The following CNTNAP5 variants were observed in gnomAD, a reference collection of about 807,000 sequenced individuals.
The protein encoded by CNTNAP5 is contactin-associated protein-like 5.
A neutral mutation model predicts 150.2 loss-of-function variants in CNTNAP5; 72 were observed. The observed-to-expected ratio is 0.48, with a 90% CI of 0.40 to 0.58. The LOEUF (loss-of-function observed/expected upper bound fraction) is 0.58, where lower values mean the gene tolerates loss of function less well. Among genes scored for constraint, CNTNAP5 ranks in the 20% least tolerant of loss-of-function variants. The pLI is 0.00. For missense variants in CNTNAP5, 1,636 were observed against 1,626.2 expected (o/e 1.01, Z -0.10); for synonymous variants, 672 against 619.8 (o/e 1.08, Z -1.25).
At chr2:124,833,798 T>C (rs147326085) in intron 19 of CNTNAP5, among the ~76,000 whole-genome samples, 3 of 152,188 alleles carry the variant, frequency 2.0e-5, no homozygotes, top group South Asian at 2.1e-4. Context: ...GATACTGTCT[T>C]ATGTGTAGGA....
At chr2:124,794,287 T>C (rs1480796853) in intron 18 of CNTNAP5, among the ~76,000 whole-genome samples, 4 of 152,232 alleles carry the variant, frequency 2.6e-5, no homozygotes, top group African/African-American at 9.6e-5. Context: ...ACTGGTTGTG[T>C]ACCTCAACCT....
chr2:124,604,080 A>C (rs533348452), intron 11 of CNTNAP5, among the ~76,000 whole-genome samples: 1 of 152,286 alleles, frequency 6.6e-6, no homozygotes, highest in East Asian at 1.9e-4. Flanking sequence ...ACTTTTATTT[A>C]GAGACAACTC....
chr2:124,669,529 T>C (rs1678766503), intron 13 of CNTNAP5, among the ~76,000 whole-genome samples: 1 of 152,248 alleles, frequency 6.6e-6, no homozygotes, highest in Non-Finnish European at 1.5e-5. Flanking sequence ...TGCATTCTTC[T>C]TGGATTGCCA....
chr2:124,361,732 T>G (rs1159777979), intron 3 of CNTNAP5, among the ~76,000 whole-genome samples: 11 of 151,568 alleles, frequency 7.3e-5, no homozygotes, highest in South Asian at 2.1e-4. Context: ...CAGGGACATT[T>G]AAGTCTGCAG....
chr2:124,522,488 C>T (rs915926220), intron 8 of CNTNAP5, among the ~76,000 whole-genome samples: 12 of 152,158 alleles, frequency 7.9e-5, no homozygotes, highest in African/African-American at 2.9e-4. Flanking sequence ...AAACACCTCC[C>T]ACCCTGATAT....
intron 10 of CNTNAP5, among the ~76,000 whole-genome samples, chr2:124,552,933 C>A (rs1037625921): frequency 6.6e-6 from 1 of 152,098 alleles, no homozygotes; most frequent in African/African-American, 2.4e-5. Flanking sequence ...TTTAACCATT[C>A]CCTAAATGGT....
chr2:124,216,059 A>G (rs1263922528), intron 1 of CNTNAP5, among the ~76,000 whole-genome samples: 2 of 152,132 alleles, frequency 1.3e-5, no homozygotes, highest in Non-Finnish European at 2.9e-5. Flanking sequence ...TGGAACCTGT[A>G]ATTTCTGAAG....
At chr2:124,456,787 G>C (rs1693128855) in intron 6 of CNTNAP5, among the ~76,000 whole-genome samples, 1 of 152,090 alleles carries the variant, frequency 6.6e-6, no homozygotes, top group Non-Finnish European at 1.5e-5. Flanking sequence ...ACTGATCTTT[G>C]ACAAAGCAAA....
At chr2:124,265,841 A>AT (rs1008165764) in intron 3 of CNTNAP5, among the ~76,000 whole-genome samples, 1 of 151,822 alleles carries the variant, frequency 6.6e-6, no homozygotes, top group Non-Finnish European at 1.5e-5. Flanking sequence ...GAATGGTAAA[A>AT]AAAAACAGAG....
intron 1 of CNTNAP5, among the ~76,000 whole-genome samples, chr2:124,154,821 A>G (rs964871673): frequency 6.6e-6 from 1 of 152,072 alleles, no homozygotes; most frequent in Non-Finnish European, 1.5e-5. Context: ...CTATAATCAG[A>G]TGAGGAATTT....
At chr2:124,205,111 A>T (rs1220797946) in intron 1 of CNTNAP5, among the ~76,000 whole-genome samples, 2 of 152,196 alleles carry the variant, frequency 1.3e-5, no homozygotes, top group Non-Finnish European at 2.9e-5. Flanking sequence ...GTACGGTGTG[A>T]CCGTGTCCCC....
intron 3 of CNTNAP5, among the ~76,000 whole-genome samples, chr2:124,272,549 T>G (rs1330487957): frequency 1.3e-5 from 2 of 152,180 alleles, no homozygotes; most frequent in African/African-American, 4.8e-5. Flanking sequence ...CCCTAGAATT[T>G]TAAAGTCAAG....
intron 1 of CNTNAP5, among the ~76,000 whole-genome samples, chr2:124,121,935 T>C (rs1471638970): frequency 1.3e-5 from 2 of 152,216 alleles, no homozygotes; most frequent in Admixed American, 1.3e-4. Context: ...ATGGAACTAT[T>C]ACCACCATTA....
intron 7 of CNTNAP5, among the ~76,000 whole-genome samples, chr2:124,488,636 A>G (rs964452908): frequency 6.6e-6 from 1 of 152,240 alleles, no homozygotes; most frequent in East Asian, 1.9e-4. Flanking sequence ...ATTTTTAATA[A>G]GAAGAGAAAT....
intron 17 of CNTNAP5, among the ~76,000 whole-genome samples, chr2:124,786,435 G>GAAAGA (rs1558775199): frequency 8.8e-6 from 1 of 113,654 alleles, no homozygotes; most frequent in African/African-American, 4.0e-5. Flanking sequence ...AGGAAGGAAG[G>GAAAGA]AAGGAAGGAA....
chr2:124,088,995 G>A (rs1205095898), intron 1 of CNTNAP5, among the ~76,000 whole-genome samples: 1 of 152,160 alleles, frequency 6.6e-6, no homozygotes, highest in Non-Finnish European at 1.5e-5. Context: ...ACTTCCTAGA[G>A]AGAACAGGCT....
chr2:124,119,376 T>A (rs79821977), intron 1 of CNTNAP5, among the ~76,000 whole-genome samples: 1 of 135,968 alleles, frequency 7.4e-6, no homozygotes, highest in Non-Finnish European at 1.6e-5. Context: ...TTTTTTTTTT[T>A]AATGCCTGTT....
At chr2:124,480,802 C>T (rs527483934) in intron 7 of CNTNAP5, among the ~76,000 whole-genome samples, 5 of 152,322 alleles carry the variant, frequency 3.3e-5, no homozygotes, top group African/African-American at 4.8e-5. Flanking sequence ...AGTCGGACAT[C>T]CACATCACCT....
intron 4 of CNTNAP5, among the ~76,000 whole-genome samples, chr2:124,431,892 C>T (rs1193232415): frequency 1.3e-5 from 2 of 151,988 alleles, no homozygotes; most frequent in East Asian, 3.9e-4. Flanking sequence ...AGTAGTAGAG[C>T]TGCTCTATAG....
Sources: gnomAD v4.1 joint callset for allele counts (sites outside exome capture counted in the v4.1 genomes callset) on GRCh38, gnomAD v4.1.1 for gene constraint, MANE v1.5 for transcripts, NCBI Gene and HGNC (gene_info 2026-07-23, HGNC 2026-07-21) for gene names.